The following PAX3 variants were observed in gnomAD, a reference collection of about 807,000 sequenced individuals.
The protein encoded by PAX3 is paired box protein Pax-3.
A neutral mutation model predicts 51.6 loss-of-function variants in PAX3; 14 were observed. That is an observed-to-expected ratio of 0.27 (90% CI 0.18 to 0.42). The LOEUF (loss-of-function observed/expected upper bound fraction) is 0.42, where lower values mean the gene tolerates loss of function less well. Among genes scored for constraint, PAX3 ranks in the 10% least tolerant of loss-of-function variants. PAX3 has a pLI of 1.00. For missense variants in PAX3, 540 were observed against 642.8 expected, an observed-to-expected ratio of 0.84 and a Z score of 1.73; for synonymous variants, 280 against 253.4, an observed-to-expected ratio of 1.11 and a Z score of -1.00.
chr2:222,238,960 CAACT>C (rs1247490198), intron 4 of PAX3, among the ~76,000 whole-genome samples: 2 of 152,170 alleles, frequency 1.3e-5, no homozygotes, highest in Admixed American at 6.5e-5. Context: ...TACAATGGGA[CAACT>C]AACTGTTTTC....
intron 4 of PAX3, among the ~76,000 whole-genome samples, chr2:222,245,194 A>G (rs533138159): frequency 1.7e-4 from 26 of 152,322 alleles, no homozygotes; most frequent in Non-Finnish European, 3.4e-4. Flanking sequence ...TAGCTATGAA[A>G]GTAAATAAAT....
At chr2:222,253,849 C>T (rs1405957103) in intron 4 of PAX3, among the ~76,000 whole-genome samples, 1 of 151,954 alleles carries the variant, frequency 6.6e-6, no homozygotes, top group Non-Finnish European at 1.5e-5. Context: ...AGATGGGGCT[C>T]TCACTATGTT....
chr2:222,201,859 T>C, intron 8 of PAX3, 85 bp downstream of exon 8: 1 of 1,613,296 alleles, frequency 6.2e-7, no homozygotes, highest in Non-Finnish European at 8.5e-7. Flanking sequence ...TGGCTTAATC[T>C]TGCCTCTAAT....
intron 7 of PAX3, among the ~76,000 whole-genome samples, chr2:222,210,076 C>T (rs946333499): frequency 1.3e-5 from 2 of 152,250 alleles, no homozygotes; most frequent in Admixed American, 6.5e-5. Flanking sequence ...GCCGTGTTCT[C>T]TTTTCCACCT....
intron 8 of PAX3, 66 bp from the exon 9 acceptor site, chr2:222,201,508 G>A: frequency 1.3e-6 from 2 of 1,585,600 alleles, no homozygotes; most frequent in Non-Finnish European, 1.7e-6. Context: ...GGCAAGATCA[G>A]CTACAGGCTG....
intron 7 of PAX3, among the ~76,000 whole-genome samples, chr2:222,216,349 G>T (rs1691958472): frequency 1.3e-5 from 2 of 152,170 alleles, no homozygotes; most frequent in Admixed American, 6.5e-5. Context: ...AGATATTGTT[G>T]CTGATTCCCT....
chr2:222,268,633 G>A (rs1234083219), intron 4 of PAX3, among the ~76,000 whole-genome samples: 1 of 152,174 alleles, frequency 6.6e-6, no homozygotes, highest in Non-Finnish European at 1.5e-5. Flanking sequence ...CGGGGGGTTG[G>A]GGGGCAGAGG....
intron 4 of PAX3, chr2:222,264,616 A>G (rs1693978966): frequency 6.6e-6 from 1 of 152,266 alleles, no homozygotes; most frequent in Non-Finnish European, 1.5e-5. Context: ...AAATAAATTT[A>G]AAATCATAAA....
chr2:222,221,143 A>C, intron 6 of PAX3, 79 bp downstream of exon 6: 1 of 1,346,650 alleles, frequency 7.4e-7, no homozygotes, highest in Non-Finnish European at 1.1e-6. Flanking sequence ...GTACTGCAGA[A>C]GGATTCACTT....
At chr2:222,271,842 A>G (rs953738246) in intron 4 of PAX3, among the ~76,000 whole-genome samples, 1 of 152,228 alleles carries the variant, frequency 6.6e-6, no homozygotes, top group African/African-American at 2.4e-5. Context: ...GATGCTTCTG[A>G]AATTCAGTTC....
At chr2:222,261,644 A>G (rs1017431967) in intron 4 of PAX3, among the ~76,000 whole-genome samples, 1 of 152,048 alleles carries the variant, frequency 6.6e-6, no homozygotes, top group Non-Finnish European at 1.5e-5. Context: ...CCAACTTCTT[A>G]CCTTCTACTT....
chr2:222,268,441 A>AC (rs752637388), intron 4 of PAX3, among the ~76,000 whole-genome samples: 9 of 150,982 alleles, frequency 6.0e-5, no homozygotes, highest in East Asian at 1.9e-4. Flanking sequence ...TATCCAATCA[A>AC]CCCCCCCAGC....
intron 7 of PAX3, among the ~76,000 whole-genome samples, chr2:222,219,853 C>T (rs1277065666): frequency 1.3e-5 from 2 of 152,132 alleles, no homozygotes; most frequent in Non-Finnish European, 2.9e-5. Flanking sequence ...AAGCCCAGAA[C>T]TAGGATGGAG....
chr2:222,283,504 C>T (rs1000483735), intron 4 of PAX3, among the ~76,000 whole-genome samples: 3 of 152,024 alleles, frequency 2.0e-5, no homozygotes, highest in Non-Finnish European at 2.9e-5. Flanking sequence ...AAAATAAATA[C>T]GATAATTTTT....
Position 222,199,986 on chromosome 2 carries a change from C to A in PAX3, c.*1422G>T, listed in dbSNP as rs1691234196. ...AACACATTGTTGTTGGTTGAGGCTG[C>A]AACACAAAGATAGTACTTCTCTTGT... On this transcript the variant is annotated 3_prime_UTR_variant, in exon 9 of 9. Coordinates refer to ENST00000392070, the MANE Select transcript of PAX3 (RefSeq NM_181458.4). 5.1e-6 allele frequency: 1 copy of A among 197,306 alleles called. No individual in the cohort carries two copies. Among genetic ancestry groups the A allele is most frequent in the African/African-American group, 2.3e-5 (1 of 43,302 alleles). 12.2% of individuals were successfully genotyped at this position (197,306 alleles called of 1,614,324 possible).
At chr2:222,275,668 G>A (rs1011610039) in intron 4 of PAX3, among the ~76,000 whole-genome samples, 4 of 152,002 alleles carry the variant, frequency 2.6e-5, no homozygotes, top group Admixed American at 1.3e-4. Context: ...CTCTTGATAG[G>A]CTATGACATT....
intron 4 of PAX3, among the ~76,000 whole-genome samples, chr2:222,291,471 G>A (rs1192132913): frequency 6.6e-6 from 1 of 152,220 alleles, no homozygotes; most frequent in Non-Finnish European, 1.5e-5. Context: ...AAAAGGGAAA[G>A]TTGGGAAAGT....
At chr2:222,294,054 A>G (rs45620734) in intron 4 of PAX3, 113 bp downstream of exon 4, 51 of 1,576,004 alleles carry the variant, frequency 3.2e-5, no homozygotes, top group Middle Eastern at 1.8e-4. Context: ...GACACCGCGC[A>G]TGAAGGGACC....
intron 7 of PAX3, among the ~76,000 whole-genome samples, chr2:222,217,839 A>T (rs1392543627): frequency 6.6e-6 from 1 of 152,158 alleles, no homozygotes; most frequent in African/African-American, 2.4e-5. Flanking sequence ...CTCTTGTTTA[A>T]ACAGTGTCAT....
Sources: allele counts gnomAD v4.1 joint callset (sites outside exome capture counted in the v4.1 genomes callset), GRCh38; gene constraint gnomAD v4.1.1; transcripts MANE v1.5; gene names NCBI Gene and HGNC (gene_info 2026-07-23, HGNC 2026-07-21).